Variants in BCL3 observed in about 807,000 individuals in gnomAD.
BCL3 encodes BCL3 transcription coactivator, also known as B-cell lymphoma 3 protein.
Under a neutral mutation model 35.7 loss-of-function variants are expected in BCL3, and 15 were observed. That is an observed-to-expected ratio of 0.42 (90% CI 0.28 to 0.65). The LOEUF is 0.65. BCL3 is among the 30% of genes least tolerant of loss of function. The pLI is 0.22. For missense variants in BCL3, 565 were observed against 641.7 expected (o/e 0.88, Z 1.29); for synonymous variants, 311 against 284.3 (o/e 1.09, Z -0.95).
chr19:44,748,797 C>T lies in BCL3; in HGVS notation c.7C>T (p.Arg3Ter), dbSNP rs1437943199. The T allele has an allele frequency of 2.7e-6, 3 of 1,108,518 alleles. No homozygotes were observed. The highest frequency in any genetic ancestry group is 2.2e-6 in the Non-Finnish European group (2 of 909,582). 68.7% of individuals were successfully genotyped at this position (1,108,518 alleles called of 1,614,324 possible). Residue 3 changes from arginine to a stop codon, truncating the protein, a stop_gained, in exon 1 of 9, where the codon CGA becomes TGA. Coordinates refer to ENST00000164227, the MANE Select transcript of BCL3 (RefSeq NM_005178.5). LOFTEE classifies it high-confidence loss of function. ...CGCCGTCCCCGGCGGCCCCATGCCCCGATGCCCCGCGGGGGCCATGGACGA... is the reference window on the plus strand; with the variant it reads ...CGCCGTCCCCGGCGGCCCCATGCCCTGATGCCCCGCGGGGGCCATGGACGA... MP[R>*]CPAGAMDEGP...
chr19:44,757,697 C>G lies in BCL3; in HGVS notation c.865C>G (p.Leu289Val). 6.2e-7 allele frequency: 1 copy of G among 1,613,950 alleles called. No individual in the cohort carries two copies. Among genetic ancestry groups the G allele is most frequent in the Non-Finnish European group, 8.5e-7 (1 of 1,179,920 alleles). The change falls in exon 6 of 9, where the codon CTT becomes GTT. Residue 289 changes from leucine to valine, a missense_variant. By Grantham distance (32) the Leu-to-Val change is conservative (BLOSUM62 1). This residue lies in a region of BCL3 where 103 missense variants were observed against 106.7 expected (regional missense o/e 0.97). Transcript: ENST00000164227. This position sits in a 1 kb window ranked among gnomAD's most constrained non-coding sequence, Gnocchi z 8.4. ...CATCCACGCCGTGGAAAACAACAGC[C>G]TTAGCATGGTGCAGCTGCTGCTGCA... ...PLIHAVENNS[L>V]SMVQLLLQHG... is the part of the protein sequence containing the mutation.
chr19:44,748,060 G>C (rs1224466070), upstream of BCL3: 19 of 1,343,052 alleles, frequency 1.4e-5, no homozygotes, highest in Non-Finnish European at 1.9e-5. Flanking sequence ...CCCCGGGTGC[G>C]TCTCTTCACT....
At chr19:44,752,587 C>T (rs1378819493) in intron 2 of BCL3, among the ~76,000 whole-genome samples, 1 of 152,052 alleles carries the variant, frequency 6.6e-6, no homozygotes, top group Non-Finnish European at 1.5e-5. Context: ...TTTGAAGATC[C>T]CCTAAATTGA....
At chr19:44,751,410 GGTGGTTGGGAAGACCAGCC>G in intron 2 of BCL3, 30 bp downstream of exon 2, 1 of 1,528,398 alleles carries the variant, frequency 6.5e-7, no homozygotes, top group Admixed American at 2.3e-5. Flanking sequence ...TAAGGGGAGG[GGTGGTTGGGAAGACCAGCC>G]GTCCATAACA....
At chr19:44,754,238 C>T (rs1967237811) in intron 2 of BCL3, among the ~76,000 whole-genome samples, 1 of 152,048 alleles carries the variant, frequency 6.6e-6, no homozygotes, top group African/African-American at 2.4e-5. Flanking sequence ...GGGTGGATGC[C>T]GGGATAAGGA....
At chr19:44,748,088 G>A, upstream of BCL3, 1 of 1,337,776 alleles carries the variant, frequency 7.5e-7, no homozygotes, top group Non-Finnish European at 9.8e-7. Context: ...AGGAGGAAAC[G>A]GCTCAGAGAG....
At chr19:44,748,201 G>A, upstream of BCL3, 1 of 632,110 alleles carries the variant, frequency 1.6e-6, no homozygotes, top group Non-Finnish European at 2.4e-6. Flanking sequence ...GAAGCAGACA[G>A]CAACTGAGAG....
chr19:44,757,574 G>A lies in BCL3; in HGVS notation c.814-72G>A, dbSNP rs1231135186. 6.3e-7 allele frequency: 1 copy of A among 1,575,014 alleles called. No individual in the cohort carries two copies. Among genetic ancestry groups the A allele is most frequent in the South Asian group, 1.1e-5 (1 of 89,592 alleles). On this transcript the variant is annotated intron_variant, in intron 5 of 8. Transcript: ENST00000164227. This position sits in a 1 kb window ranked among gnomAD's most constrained non-coding sequence, Gnocchi z 8.4. ...AGAGGCTGGACCCCGCGAATGGGATGTGGACGGGATGCGGGTCGCCGGCTG... is the reference window on the plus strand; with the variant it reads ...AGAGGCTGGACCCCGCGAATGGGATATGGACGGGATGCGGGTCGCCGGCTG...
Position 44,759,927 on chromosome 19 carries a change from C to A in BCL3, c.*312C>A, listed in dbSNP as rs1967394765. The A allele has an allele frequency of 2.9e-6, 1 of 342,642 alleles. No homozygotes were observed. The highest frequency in any genetic ancestry group is 5.2e-6 in the Non-Finnish European group (1 of 190,504). 21.2% of individuals were successfully genotyped at this position (342,642 alleles called of 1,614,324 possible). On this transcript the variant is annotated 3_prime_UTR_variant, in exon 9 of 9. Coordinates refer to ENST00000164227, the MANE Select transcript of BCL3 (RefSeq NM_005178.5). Reference sequence around the variant, plus strand: ...GACCCAGGGAACAGCCACTCCCCTCCACTCTCTACCAGATAACTGAGGAGG... The same window carrying A: ...GACCCAGGGAACAGCCACTCCCCTCAACTCTCTACCAGATAACTGAGGAGG...
chr19:44,756,551 T>C (rs60407122), intron 3 of BCL3, among the ~76,000 whole-genome samples: 2 of 72,420 alleles, frequency 2.8e-5, no homozygotes, highest in Admixed American at 1.6e-4. Flanking sequence ...GAGGGCTGGG[T>C]CCTGGGCTCC....
At position 44,759,528 on chromosome 19, in the gene BCL3, A is replaced by G. The variant is rs544924774; in HGVS notation, c.1278A>G (p.Pro426=). The change falls in exon 9 of 9, where the codon CCA becomes CCG. Residue 426 remains proline, a synonymous_variant. Coordinates refer to ENST00000164227, the MANE Select transcript of BCL3 (RefSeq NM_005178.5). The part of the protein sequence containing the change: ...MAPPNFFLPS[P]SPPAFLPFAG... ...CTCCCAATTTCTTCCTTCCTTCCCC[A>G]TCTCCACCCGCCTTCCTGCCCTTTG... The G allele has an allele frequency of 4.0e-5, 64 of 1,605,264 alleles. 2 individuals are homozygous for G. In the South Asian group the frequency reaches 4.1e-4, roughly 10 times the overall value.
intron 2 of BCL3, among the ~76,000 whole-genome samples, chr19:44,752,544 T>G (rs1344649291): frequency 6.6e-6 from 1 of 152,026 alleles, no homozygotes; most frequent in East Asian, 1.9e-4. Context: ...CTAGTCGACT[T>G]CATTGTTTCA....
intron 1 of BCL3, among the ~76,000 whole-genome samples, chr19:44,750,081 G>A (rs774385600): frequency 1.4e-4 from 22 of 152,136 alleles, no homozygotes; most frequent in African/African-American, 4.6e-4. Flanking sequence ...GCAGAGAGCC[G>A]TTCTACAGAG....
In BCL3 at chr19:44,758,617, A is replaced by G. The variant is rs2038521555; in HGVS notation, c.1060-107A>G. 3.1e-6 allele frequency: 4 copies of G among 1,276,184 alleles called. No homozygotes were observed. In the African/African-American group the frequency reaches 5.9e-5, roughly 19 times the overall value. 79.1% of individuals were successfully genotyped at this position (1,276,184 alleles called of 1,614,324 possible). A position where few individuals can be genotyped will look rare whatever the true frequency, so the allele number is the denominator to read the frequency against. On this transcript the variant is annotated intron_variant, in intron 7 of 8. Coordinates refer to ENST00000164227, the MANE Select transcript of BCL3 (RefSeq NM_005178.5). ...AAAAAAGTGCCTTGCCCATCTTTTC[A>G]TACTGAGAAGTGGAGAGGCCACCAC...
At chr19:44,747,722 T>C (rs1316731227), upstream of BCL3, 16 of 742,790 alleles carry the variant, frequency 2.2e-5, no homozygotes, top group Non-Finnish European at 1.7e-6. Context: ...TCCCCGCTCC[T>C]GCAGCACCGG....
intron 1 of BCL3, 29 bp downstream of exon 1, chr19:44,749,075 G>C: frequency 1.6e-6 from 2 of 1,241,268 alleles, no homozygotes; most frequent in Non-Finnish European, 2.1e-6. Flanking sequence ...TCCGGGCCGG[G>C]TGGGATCCAC....
At chr19:44,752,727 G>A (rs1353579656) in intron 2 of BCL3, among the ~76,000 whole-genome samples, 1 of 152,148 alleles carries the variant, frequency 6.6e-6, no homozygotes, top group Non-Finnish European at 1.5e-5. Context: ...TGATCATCAT[G>A]ATTCTTATTA....
At position 44,759,700 on chromosome 19, in the gene BCL3, T is replaced by G. The variant is rs1599845562; in HGVS notation, c.*85T>G. 1 of 703,170 alleles carries G rather than the reference T, an allele frequency of 1.4e-6. No individual in the cohort carries two copies. The highest frequency in any genetic ancestry group is 2.2e-6 in the Non-Finnish European group (1 of 460,872). The allele number at this position is 703,170 out of a possible 1,614,324, so 43.6% of individuals were successfully genotyped here. On this transcript the variant is annotated 3_prime_UTR_variant, in exon 9 of 9. Transcript: ENST00000164227. ...AACCCTTCTGGAAACTGTGAAGATC[T>G]CACTCTGCCCCCCCCCCCCATCTTC...
chr19:44,757,542 C>T lies in BCL3; in HGVS notation c.814-104C>T, dbSNP rs1967320043. ...TGGGGTGGGGCTTGGAGTATCAGAC[C>T]CAAGAGAGAGGCTGGACCCCGCGAA... On this transcript the variant is annotated intron_variant, in intron 5 of 8. Transcript: ENST00000164227. The surrounding 1 kb of genome is among the most constrained non-coding windows in gnomAD (Gnocchi z 8.4). 1 of 1,528,698 alleles carries T rather than the reference C, an allele frequency of 6.5e-7. No homozygotes were observed. Among genetic ancestry groups the T allele is most frequent in the Non-Finnish European group, 9.0e-7 (1 of 1,111,122 alleles). 94.7% of individuals were successfully genotyped at this position (1,528,698 alleles called of 1,614,324 possible).
Sources: allele counts gnomAD v4.1 joint callset (sites outside exome capture counted in the v4.1 genomes callset), GRCh38; gene constraint gnomAD v4.1.1; regional missense constraint gnomAD v4.1.1; non-coding constraint Gnocchi (gnomAD v3.1); transcripts MANE v1.5; gene names NCBI Gene and HGNC (gene_info 2026-07-23, HGNC 2026-07-21).